ALMS1: variants seen among roughly 807,000 people sequenced by gnomAD.
The protein encoded by ALMS1 is ALMS1 centrosome and basal body associated protein, also known as centrosome-associated protein ALMS1.
A neutral mutation model predicts 352.2 loss-of-function variants in ALMS1; 271 were observed. The observed-to-expected ratio is 0.77, with a 90% CI of 0.70 to 0.85. The LOEUF is 0.85. Among genes scored for constraint, ALMS1 ranks in the 40% least tolerant of loss-of-function variants. The pLI, the probability that ALMS1 is intolerant of heterozygous loss-of-function variation, is 0.00. For missense variants in ALMS1, 5,445 were observed against 4,870.7 expected (o/e 1.12, Z -3.51); for synonymous variants, 1,865 against 1,761.2 (o/e 1.06, Z -1.48).
At chr2:73,589,450 A>G (rs796707008) in intron 16 of ALMS1, among the ~76,000 whole-genome samples, 27 of 152,288 alleles carry the variant, frequency 1.8e-4, no homozygotes, top group African/African-American at 5.8e-4. Flanking sequence ...TCCTCAGTTC[A>G]TGACCCCTCT....
chr2:73,596,014 CTCTG>C (rs1169803776), intron 16 of ALMS1, among the ~76,000 whole-genome samples: 3 of 152,206 alleles, frequency 2.0e-5, no homozygotes, highest in African/African-American at 7.2e-5. Context: ...TCTCTATATA[CTCTG>C]GTTACAAGTC....
chr2:73,385,915 A>AGGT lies in ALMS1; in HGVS notation c.49_50insTGG (p.Glu16_Glu17insVal). 2 of 825,136 alleles carry AGGT rather than the reference A, an allele frequency of 2.4e-6. No individual in the cohort carries two copies. Among genetic ancestry groups the AGGT allele is most frequent in the Non-Finnish European group, 3.9e-6 (2 of 509,710 alleles). 51.1% of individuals were successfully genotyped at this position (825,136 alleles called of 1,614,324 possible). A position where few individuals can be genotyped will look rare whatever the true frequency, so the allele number is the denominator to read the frequency against. ...TGGCCGGGCGAGCTGGAGGAGGAGG[A>AGGT]GGAGGAGGAGGAGGAGGAGGAGGAG... On this transcript the variant is annotated inframe_insertion, in exon 1 of 23. Transcript: ENST00000613296.
chr2:73,399,260 A>G (rs758954926), intron 1 of ALMS1, among the ~76,000 whole-genome samples: 1 of 152,110 alleles, frequency 6.6e-6, no homozygotes, highest in Non-Finnish European at 1.5e-5. Context: ...TGCATTAGCT[A>G]TGACCTCCAA....
intron 9 of ALMS1, among the ~76,000 whole-genome samples, chr2:73,457,741 T>A (rs1315123466): frequency 6.6e-6 from 1 of 152,042 alleles, no homozygotes; most frequent in Non-Finnish European, 1.5e-5. Flanking sequence ...ATAAAAAGTC[T>A]AAAACTTTTG....
chr2:73,450,953 AGC>A lies in ALMS1; in HGVS notation c.4427_4428del (p.Ser1476IlefsTer21). On this transcript the variant is annotated frameshift_variant, in exon 8 of 23. Coordinates refer to ENST00000613296, the MANE Select transcript of ALMS1 (RefSeq NM_001378454.1). LOFTEE classifies it high-confidence loss of function. ...CACACCAACTGTAACCTCCCCTTCC[AGC>A]TCATTTGGAGAGAAGCCCATTGTTA... ...IGTPTVTSPS[S>X]SFGEKPIVIY... The A allele has an allele frequency of 6.2e-7, 1 of 1,611,334 alleles. No homozygotes were observed. Among genetic ancestry groups the A allele is most frequent in the Non-Finnish European group, 8.5e-7 (1 of 1,179,160 alleles).
rs1675435915 is a variant in ALMS1 at position 73,591,677 on chromosome 2, T to C, written c.11548-7724T>C. 2.6e-5 allele frequency among the ~76,000 whole-genome samples: 4 copies of C among 152,188 alleles called. No homozygotes were observed. In the South Asian group the frequency reaches 8.3e-4, roughly 32 times the overall value. ...TGGATCTGACCCCATGAGGATATCA[T>C]GAGTGAGATGAAGATTTTAGAGTCA... is the stretch of plus-strand genomic sequence containing the variant. On this transcript the variant is annotated intron_variant, in intron 16 of 22. Coordinates refer to ENST00000613296, the MANE Select transcript of ALMS1 (RefSeq NM_001378454.1).
chr2:73,541,105 T>G (rs13388117), intron 12 of ALMS1, among the ~76,000 whole-genome samples: 55,809 of 152,012 alleles, frequency 0.37, 13,703 homozygotes, highest in African/African-American at 0.7. Context: ...ATTCCAAAAG[T>G]GACCACATAG....
At chr2:73,565,458 TGGG>T (rs1222520055) in intron 15 of ALMS1, among the ~76,000 whole-genome samples, 3 of 152,094 alleles carry the variant, frequency 2.0e-5, no homozygotes, top group South Asian at 4.1e-4. Context: ...AATAAATAAA[TGGG>T]GGGAAATGAC....
rs2104188795 is a variant in ALMS1, at chr2:73,599,429, C to CT, written c.11577dup (p.Ile3860TyrfsTer7). The CT allele has an allele frequency of 1.2e-6, 2 of 1,613,384 alleles. No individual in the cohort carries two copies. The highest frequency in any genetic ancestry group is 2.2e-5 in the East Asian group (1 of 44,856). On this transcript the variant is annotated frameshift_variant, in exon 17 of 23. Transcript: ENST00000613296. LOFTEE classifies it high-confidence loss of function. ...GCAAACCATGTGATTTCTTCTGACT[C>CT]TATTTCCTCTTCTGCCAGTAGTTTC...
chr2:73,390,617 T>C (rs1453966718), intron 1 of ALMS1, among the ~76,000 whole-genome samples: 1 of 152,218 alleles, frequency 6.6e-6, no homozygotes, highest in Non-Finnish European at 1.5e-5. Flanking sequence ...GTTTTTATGC[T>C]GGTCCTACAG....
At chr2:73,575,254 T>G (rs1367022123) in intron 16 of ALMS1, among the ~76,000 whole-genome samples, 4 of 152,198 alleles carry the variant, frequency 2.6e-5, no homozygotes, top group Non-Finnish European at 5.9e-5. Flanking sequence ...GCAATTCTTT[T>G]GGGTATATAT....
intron 12 of ALMS1, among the ~76,000 whole-genome samples, chr2:73,546,527 GAT>G (rs1674324139): frequency 1.3e-5 from 2 of 152,222 alleles, no homozygotes; most frequent in African/African-American, 2.4e-5. Context: ...TTGGTTGACA[GAT>G]ATTAAACAAA....
intron 10 of ALMS1, among the ~76,000 whole-genome samples, chr2:73,499,375 T>G (rs943482447): frequency 1.3e-5 from 2 of 152,162 alleles, no homozygotes; most frequent in African/African-American, 2.4e-5. Context: ...ATTTGTCCAT[T>G]TTCGCTTTGG....
intron 1 of ALMS1, among the ~76,000 whole-genome samples, chr2:73,390,642 TC>T (rs1670625224): frequency 6.6e-6 from 1 of 152,250 alleles, no homozygotes; most frequent in African/African-American, 2.4e-5. Flanking sequence ...TTCAGGCACT[TC>T]TTGTAATTCC....
rs2104195950 is a variant in ALMS1, at chr2:73,601,304, C to G, written c.11982C>G (p.Thr3994=). 6.2e-7 allele frequency: 1 copy of G among 1,614,200 alleles called. No homozygotes were observed. The highest frequency in any genetic ancestry group is 1.1e-5 in the South Asian group (1 of 91,086). Residue 3994 remains threonine (T), a synonymous_variant, in exon 19 of 23, where the codon ACC becomes ACG. Transcript: ENST00000613296. The part of the protein sequence containing the change: ...GISWFEPITK[T]RPWREPLREQ... ...CCTGGTTTGAACCAATAACCAAGAC[C>G]AGACCCTGGAGGGAGCCACTGCGGG...
rs936146997 is a variant in ALMS1, at chr2:73,546,394, G to A, written c.9908-3873G>A. Among the ~76,000 whole-genome samples, 8 of 152,050 alleles carry A rather than the reference G, an allele frequency of 5.3e-5. 1 individual carries two copies. The South Asian group carries it at 6.2e-4, about 12-fold the overall frequency. On this transcript the variant is annotated intron_variant, in intron 12 of 22. Coordinates refer to ENST00000613296, the MANE Select transcript of ALMS1 (RefSeq NM_001378454.1). The stretch of plus-strand genomic sequence containing the variant: ...TAATGATGGGAAGCTGTCAGCTCAC[G>A]TTCATTTGTTTATTCAAACAATAGG...
intron 11 of ALMS1, among the ~76,000 whole-genome samples, chr2:73,526,165 G>A (rs118081912): frequency 6.6e-6 from 1 of 152,244 alleles, no homozygotes; most frequent in East Asian, 1.9e-4. Context: ...GTACCATGAT[G>A]TTTTGGTTAT....
chr2:73,502,631 T>C (rs903090225), intron 10 of ALMS1, among the ~76,000 whole-genome samples: 1 of 152,152 alleles, frequency 6.6e-6, no homozygotes, highest in Non-Finnish European at 1.5e-5. Context: ...TTCAGATGTT[T>C]TTCCTGATCT....
intron 9 of ALMS1, among the ~76,000 whole-genome samples, chr2:73,477,578 T>G (rs1240003339): frequency 6.6e-6 from 1 of 152,072 alleles, no homozygotes; most frequent in African/African-American, 2.4e-5. Context: ...AATCTCTAGA[T>G]TAGTTTAGGA....
Sources: gnomAD v4.1 joint callset for allele counts (sites outside exome capture counted in the v4.1 genomes callset) on GRCh38, gnomAD v4.1.1 for gene constraint, MANE v1.5 for transcripts, NCBI Gene and HGNC (gene_info 2026-07-23, HGNC 2026-07-21) for gene names.